The following ATP2B2 variants were observed in gnomAD, a reference collection of about 807,000 sequenced individuals.
ATP2B2 encodes the protein ATPase plasma membrane Ca2+ transporting 2.
ATP2B2 carries 15 observed loss-of-function variants against 120.0 expected under a neutral mutation model. The observed-to-expected ratio is 0.12, with a 90% CI of 0.08 to 0.19. The LOEUF (loss-of-function observed/expected upper bound fraction) is 0.19, where lower values mean the gene tolerates loss of function less well. ATP2B2 is among the 10% of genes least tolerant of loss of function. The pLI, the probability that ATP2B2 is intolerant of heterozygous loss-of-function variation, is 1.00. For synonymous variants in ATP2B2, 694 were observed against 700.3 expected (o/e 0.99, Z 0.14); for missense variants, 1,045 against 1,719.8 (o/e 0.61, Z 6.94).
intron 1 of ATP2B2, among the ~76,000 whole-genome samples, chr3:10,488,545 TC>T (rs1217986084): frequency 6.7e-6 from 1 of 149,042 alleles, no homozygotes; most frequent in African/African-American, 2.5e-5. Context: ...CTTCCTTCCT[TC>T]CTTTCCTTCC....
chr3:10,400,840 A>C (rs1575123833), intron 5 of ATP2B2, 113 bp downstream of exon 5: 1 of 1,518,466 alleles, frequency 6.6e-7, no homozygotes, highest in East Asian at 2.3e-5. Context: ...CTGGCTGGAG[A>C]TACCAGAGCC....
intron 14 of ATP2B2, among the ~76,000 whole-genome samples, chr3:10,357,071 A>G (rs1292378016): frequency 2.0e-5 from 3 of 152,058 alleles, no homozygotes; most frequent in African/African-American, 7.2e-5. Context: ...GCAAACACTC[A>G]TTGAACACCT....
intron 22 of ATP2B2, among the ~76,000 whole-genome samples, chr3:10,336,930 C>T (rs552261752): frequency 9.8e-5 from 15 of 152,326 alleles, no homozygotes; most frequent in East Asian, 1.9e-4. Flanking sequence ...GTGGCTTTGC[C>T]GCCAGGGCAG....
chr3:10,492,233 C>G (rs1254452338), intron 1 of ATP2B2, among the ~76,000 whole-genome samples: 1 of 150,692 alleles, frequency 6.6e-6, no homozygotes, highest in African/African-American at 2.4e-5. Flanking sequence ...GGGGGAGAAG[C>G]TGGGGGCTTT....
intron 1 of ATP2B2, among the ~76,000 whole-genome samples, chr3:10,481,884 C>G (rs1270017930): frequency 1.3e-5 from 2 of 152,220 alleles, no homozygotes; most frequent in Non-Finnish European, 2.9e-5. Context: ...AACACTTACA[C>G]CCACTATGAT....
At chr3:10,467,687 A>G (rs2064806438) in intron 1 of ATP2B2, among the ~76,000 whole-genome samples, 1 of 152,198 alleles carries the variant, frequency 6.6e-6, no homozygotes, top group Non-Finnish European at 1.5e-5. Context: ...CCTGCTGTGT[A>G]CCGAGCCCCA....
intron 1 of ATP2B2, among the ~76,000 whole-genome samples, chr3:10,484,292 G>A (rs2065538719): frequency 6.6e-6 from 1 of 152,116 alleles, no homozygotes; most frequent in Admixed American, 6.5e-5. Context: ...ATCCTAAAGA[G>A]CTCACTGAGG....
intron 3 of ATP2B2, among the ~76,000 whole-genome samples, chr3:10,525,886 TTC>T (rs1281121729): frequency 1.3e-5 from 2 of 152,196 alleles, no homozygotes; most frequent in Admixed American, 1.3e-4. Context: ...ATTTCACTCA[TTC>T]TCTGTCATTG....
chr3:10,535,685 T>C (rs556756408), intron 2 of ATP2B2, among the ~76,000 whole-genome samples: 6 of 152,344 alleles, frequency 3.9e-5, no homozygotes, highest in African/African-American at 1.4e-4. Context: ...CTCTAGGTGG[T>C]TGTGTGTAAC....
chr3:10,632,290 A>G (rs1402226999), intron 1 of ATP2B2, among the ~76,000 whole-genome samples: 1 of 152,204 alleles, frequency 6.6e-6, no homozygotes, highest in Non-Finnish European at 1.5e-5. Flanking sequence ...GACTACTCCC[A>G]TAGAGAGGCC....
chr3:10,649,743 T>C (rs1259384708), intron 1 of ATP2B2, among the ~76,000 whole-genome samples: 1 of 152,162 alleles, frequency 6.6e-6, no homozygotes, highest in African/African-American at 2.4e-5. Flanking sequence ...TGGGAGGTAA[T>C]TGAATCATGG....
chr3:10,399,015 T>C (rs754011967), intron 5 of ATP2B2, among the ~76,000 whole-genome samples: 27 of 152,208 alleles, frequency 1.8e-4, no homozygotes, highest in Non-Finnish European at 3.7e-4. Flanking sequence ...CCTCCTTGGC[T>C]GGTTTGTGAT....
At chr3:10,576,920 G>A (rs886280415) in intron 2 of ATP2B2, among the ~76,000 whole-genome samples, 5 of 151,990 alleles carry the variant, frequency 3.3e-5, no homozygotes, top group Non-Finnish European at 7.4e-5. Flanking sequence ...CTGGTATGGT[G>A]GCGGGTGCCT....
chr3:10,680,365 C>G (rs1050795272), intron 1 of ATP2B2, among the ~76,000 whole-genome samples: 2 of 151,872 alleles, frequency 1.3e-5, no homozygotes, highest in Non-Finnish European at 2.9e-5. Context: ...TGGAGGTTGT[C>G]ACAGACCAGT....
intron 1 of ATP2B2, among the ~76,000 whole-genome samples, chr3:10,458,469 T>C (rs112290787): frequency 8.1e-6 from 1 of 123,036 alleles, no homozygotes; most frequent in African/African-American, 3.2e-5. Flanking sequence ...AGTTTTGATC[T>C]TGGTGTGATG....
intron 2 of ATP2B2, among the ~76,000 whole-genome samples, chr3:10,551,020 G>A (rs1180612487): frequency 2.6e-5 from 4 of 152,206 alleles, no homozygotes; most frequent in Non-Finnish European, 5.9e-5. Flanking sequence ...ACAGCACTGA[G>A]GCAGGTGGGA....
At chr3:10,461,518 T>C (rs1420349353) in intron 1 of ATP2B2, among the ~76,000 whole-genome samples, 1 of 152,218 alleles carries the variant, frequency 6.6e-6, no homozygotes, top group Non-Finnish European at 1.5e-5. Flanking sequence ...AAGTCTTCTC[T>C]GGGTGCGGCT....
intron 1 of ATP2B2, among the ~76,000 whole-genome samples, chr3:10,475,623 T>C (rs1162761861): frequency 6.6e-6 from 1 of 151,906 alleles, no homozygotes; most frequent in Non-Finnish European, 1.5e-5. Flanking sequence ...TCACTACACA[T>C]GCCTGCCTAG....
chr3:10,567,635 G>T (rs2068037772), intron 2 of ATP2B2, among the ~76,000 whole-genome samples: 1 of 152,226 alleles, frequency 6.6e-6, no homozygotes. Context: ...TTCATGCAAA[G>T]TGTTTTCCAC....
Sources: allele counts gnomAD v4.1 joint callset (sites outside exome capture counted in the v4.1 genomes callset), GRCh38; gene constraint gnomAD v4.1.1; transcripts MANE v1.5; gene names NCBI Gene and HGNC (gene_info 2026-07-23, HGNC 2026-07-21).